Variants in DNAH8 observed in about 807,000 individuals in gnomAD.
DNAH8 encodes the protein axonemal beta dynein heavy chain 8.
In DNAH8, 382 loss-of-function variants were observed where a neutral mutation model predicts 562.1. The ratio of observed to expected loss-of-function variants is 0.68; its 90% CI spans 0.63 to 0.74. The LOEUF is 0.74. Ranked by LOEUF, DNAH8 falls within the 30% of genes least tolerant of loss-of-function variation. The pLI is 0.00. For synonymous variants in DNAH8, 1,881 were observed against 1,919.4 expected (o/e 0.98, Z 0.52); for missense variants, 5,203 against 5,620.4 (o/e 0.93, Z 2.37).
intron 11 of DNAH8, chr6:38,764,477 A>T (rs765645767): frequency 6.6e-6 from 1 of 152,284 alleles, no homozygotes; most frequent in East Asian, 1.9e-4. Flanking sequence ...AAAAGATGAC[A>T]AAAAAGGCTT....
intron 21 of DNAH8, among the ~76,000 whole-genome samples, chr6:38,796,577 G>A (rs1770267182): frequency 6.6e-6 from 1 of 152,098 alleles, no homozygotes; most frequent in Admixed American, 6.6e-5. Context: ...ATCGACCCCT[G>A]ACCTAACTGG....
intron 79 of DNAH8, among the ~76,000 whole-genome samples, chr6:38,944,415 T>C (rs1173221779): frequency 2.0e-5 from 3 of 152,220 alleles, no homozygotes; most frequent in Non-Finnish European, 4.4e-5. Context: ...AGACCTGTAG[T>C]TCCCCCAAGC....
At chr6:38,822,145 C>G (rs1772917271) in intron 26 of DNAH8, among the ~76,000 whole-genome samples, 1 of 152,126 alleles carries the variant, frequency 6.6e-6, no homozygotes, top group Admixed American at 6.5e-5. Flanking sequence ...TGATTCTTCA[C>G]CAAGAATCTT....
In DNAH8 at chr6:38,951,450, G is replaced by A; in HGVS notation, c.12381G>A (p.Leu4127=). The A allele has an allele frequency of 6.2e-7, 1 of 1,614,104 alleles. No homozygotes were observed. ...TWEESDTRTP[L]ICFLSMGSDP... is the part of the protein sequence containing the mutation. ...AAGAAAGTGATACCCGGACACCTCT[G>A]ATATGCTTCCTGTCCATGGGATCTG... The change falls in exon 82 of 93, where the codon CTG becomes CTA. Residue 4127 remains leucine (L), a synonymous_variant. Coordinates refer to ENST00000327475, the MANE Select transcript of DNAH8 (RefSeq NM_001206927.2).
chr6:38,810,464 C>T (rs768113593), intron 24 of DNAH8, among the ~76,000 whole-genome samples: 45 of 152,126 alleles, frequency 3.0e-4, no homozygotes, highest in Non-Finnish European at 3.4e-4. Flanking sequence ...TGGTGGTGCA[C>T]GCCTGTAGTC....
chr6:38,852,561 T>C (rs1040381798), intron 39 of DNAH8, 133 bp from the exon 40 acceptor site: 12 of 613,350 alleles, frequency 2.0e-5, no homozygotes, highest in Admixed American at 1.2e-4. Flanking sequence ...CAAAGCAGAG[T>C]CTCTCTCTAT....
intron 62 of DNAH8, among the ~76,000 whole-genome samples, chr6:38,900,360 A>G (rs1171003168): frequency 6.6e-6 from 1 of 152,216 alleles, no homozygotes; most frequent in East Asian, 1.9e-4. Flanking sequence ...AGATACTACC[A>G]CAGTCTATTT....
At chr6:38,742,541 A>G (rs1764602651) in intron 8 of DNAH8, among the ~76,000 whole-genome samples, 1 of 152,092 alleles carries the variant, frequency 6.6e-6, no homozygotes, top group South Asian at 2.1e-4. Flanking sequence ...AGCTCAAGTG[A>G]TCCGCCCACC....
chr6:38,874,859 T>A (rs1308729028), intron 52 of DNAH8, among the ~76,000 whole-genome samples: 4 of 152,164 alleles, frequency 2.6e-5, no homozygotes, highest in Non-Finnish European at 5.9e-5. Context: ...AAGGCCGAAA[T>A]CAGTGAATTA....
chr6:38,956,444 T>C (rs1312645629), intron 82 of DNAH8, among the ~76,000 whole-genome samples: 1 of 152,208 alleles, frequency 6.6e-6, no homozygotes, highest in Non-Finnish European at 1.5e-5. Flanking sequence ...TGCAGAGACC[T>C]GCTGGGAGAC....
intron 31 of DNAH8, among the ~76,000 whole-genome samples, chr6:38,832,938 A>G (rs771974014): frequency 2.0e-5 from 3 of 152,166 alleles, no homozygotes; most frequent in Non-Finnish European, 4.4e-5. Flanking sequence ...TTCTCATGGT[A>G]GAAAATGTAA....
intron 5 of DNAH8, among the ~76,000 whole-genome samples, chr6:38,735,148 T>G (rs1042255114): frequency 6.6e-6 from 1 of 152,224 alleles, no homozygotes; most frequent in Non-Finnish European, 1.5e-5. Flanking sequence ...TCTACGTTCT[T>G]AAATTGGGAA....
intron 91 of DNAH8, among the ~76,000 whole-genome samples, chr6:39,013,244 C>T (rs1022623757): frequency 5.3e-5 from 8 of 152,100 alleles, no homozygotes; most frequent in Admixed American, 2.0e-4. Context: ...TTTTGTCTTA[C>T]TAAAATATGG....
intron 13 of DNAH8, among the ~76,000 whole-genome samples, 190 bp downstream of exon 13, chr6:38,776,141 G>T (rs1020918341): frequency 9.3e-5 from 14 of 151,084 alleles, no homozygotes; most frequent in Admixed American, 8.5e-4. Context: ...ATTTTTTTTT[G>T]AATGAATAGT....
In DNAH8 at chr6:38,875,658, T is replaced by C; in HGVS notation, c.7688T>C (p.Leu2563Pro). ...EEGGVSCVEHLHKLFVFGLMW... is the reference protein window; with the variant it reads ...EEGGVSCVEHPHKLFVFGLMW... The stretch of plus-strand genomic sequence containing the variant: ...GGCGGTGTTTCCTGTGTCGAACATC[T>C]TCATAAATTATTTGTGTTTGGCCTA... Residue 2563 changes from leucine to proline, a missense_variant, in exon 53 of 93, where the codon CTT becomes CCT. By Grantham distance (98) the Leu-to-Pro change is moderately conservative. This residue lies in a region of DNAH8 where 977 missense variants were observed against 1,061.8 expected (regional missense o/e 0.92). Coordinates refer to ENST00000327475, the MANE Select transcript of DNAH8 (RefSeq NM_001206927.2). 1 of 1,613,866 alleles carries C rather than the reference T, an allele frequency of 6.2e-7. No homozygotes were observed. Among genetic ancestry groups the C allele is most frequent in the South Asian group, 1.1e-5 (1 of 91,060 alleles).
Position 38,723,019 on chromosome 6 carries a change from G to A in DNAH8, c.210G>A (p.Gly70=), listed in dbSNP as rs1462801040. The A allele has an allele frequency of 6.2e-7, 1 of 1,612,748 alleles. No individual in the cohort carries two copies. The highest frequency in any genetic ancestry group is 1.3e-5 in the African/African-American group (1 of 74,930). The change falls in exon 2 of 93, where the codon GGG becomes GGA. Residue 70 remains glycine, a synonymous_variant. Coordinates refer to ENST00000327475, the MANE Select transcript of DNAH8 (RefSeq NM_001206927.2). The part of the protein sequence containing the change: ...DYRDLIPSEE[G]IVLPDDHEAD... ...GGGATCTCATTCCTTCTGAAGAAGGGATAGTTCTTCCAGATGATCATGAAG... is the reference window on the plus strand; with the variant it reads ...GGGATCTCATTCCTTCTGAAGAAGGAATAGTTCTTCCAGATGATCATGAAG...
chr6:38,817,201 C>T (rs748261701), intron 26 of DNAH8, among the ~76,000 whole-genome samples: 16 of 152,158 alleles, frequency 1.1e-4, no homozygotes, highest in Non-Finnish European at 2.1e-4. Context: ...GAATATTAGC[C>T]GGGCATGGCG....
At chr6:38,985,057 T>G (rs898376558) in intron 87 of DNAH8, among the ~76,000 whole-genome samples, 4 of 152,212 alleles carry the variant, frequency 2.6e-5, no homozygotes, top group African/African-American at 9.6e-5. Flanking sequence ...GATTGGGGGA[T>G]TAATCATAAT....
intron 11 of DNAH8, chr6:38,763,456 ATGAAT>A (rs1461825519): frequency 3.2e-6 from 1 of 313,350 alleles, no homozygotes; most frequent in African/African-American, 2.2e-5. Flanking sequence ...GAAAGAAGAA[ATGAAT>A]TGAAAACATT....
Sources: gnomAD v4.1 joint callset for allele counts (sites outside exome capture counted in the v4.1 genomes callset) on GRCh38, gnomAD v4.1.1 for gene constraint, gnomAD v4.1.1 regional missense constraint, MANE v1.5 for transcripts, NCBI Gene and HGNC (gene_info 2026-07-23, HGNC 2026-07-21) for gene names.